AGBL1: variants seen among roughly 807,000 people sequenced by gnomAD.
AGBL1 encodes the protein cytosolic carboxypeptidase 4.
AGBL1 carries 130 observed loss-of-function variants against 118.9 expected under a neutral mutation model. The observed-to-expected ratio is 1.09, with a 90% CI of 0.95 to 1.26. The LOEUF is 1.26. AGBL1 is among the 50% of genes most tolerant of loss of function. AGBL1 has a pLI of 0.00. For missense variants in AGBL1, 1,584 were observed against 1,298.1 expected (o/e 1.22, Z -3.38); for synonymous variants, 555 against 478.9 (o/e 1.16, Z -2.08).
At chr15:86,138,282 G>A (rs2141632097) in intron 1 of AGBL1, 1 of 152,280 alleles carries the variant, frequency 6.6e-6, no homozygotes, top group East Asian at 1.9e-4. Flanking sequence ...CTTTCAACTT[G>A]GTTTCTCAAG....
intron 5 of AGBL1, among the ~76,000 whole-genome samples, chr15:86,204,019 A>T (rs561173007): frequency 4.6e-5 from 7 of 152,212 alleles, no homozygotes; most frequent in Non-Finnish European, 8.8e-5. Context: ...TGACACTCCT[A>T]GATAAAGAGT....
At chr15:86,217,240 T>A (rs1444563370) in intron 5 of AGBL1, among the ~76,000 whole-genome samples, 1 of 152,242 alleles carries the variant, frequency 6.6e-6, no homozygotes, top group African/African-American at 2.4e-5. Context: ...TGTAAGAGTC[T>A]TTGGTTTATC....
intron 23 of AGBL1, among the ~76,000 whole-genome samples, chr15:86,972,708 G>T (rs976786972): frequency 1.3e-5 from 2 of 151,962 alleles, no homozygotes; most frequent in African/African-American, 2.4e-5. Flanking sequence ...CCTTACAGGG[G>T]GAGAATGCAC....
intron 21 of AGBL1, among the ~76,000 whole-genome samples, chr15:86,649,874 G>T (rs971594117): frequency 1.5e-4 from 22 of 150,192 alleles, no homozygotes; most frequent in African/African-American, 5.1e-4. Flanking sequence ...TAATTGTATT[G>T]TCCTTTAAAA....
intron 19 of AGBL1, among the ~76,000 whole-genome samples, chr15:86,525,952 T>A (rs1341669825): frequency 6.6e-6 from 1 of 152,130 alleles, no homozygotes; most frequent in Non-Finnish European, 1.5e-5. Context: ...AGAAAATGTT[T>A]GCAAACTATA....
In AGBL1 at chr15:86,864,323, A is replaced by C. The variant is rs534393399; in HGVS notation, c.3159-42764A>C. Among the ~76,000 whole-genome samples the C allele has an allele frequency of 1.4e-4, 22 of 152,290 alleles. No individual in the cohort carries two copies. In the East Asian group the frequency reaches 4.2e-3, roughly 29 times the overall value. On this transcript the variant is annotated intron_variant, in intron 22 of 22. Coordinates refer to ENST00000614907, the MANE Select transcript of AGBL1 (RefSeq NM_001386094.1). ...CTAACTTGCATTGACTCATAGGAAA[A>C]TACCTTGAAGCCTTGAGTTTTCCCA...
chr15:86,468,854 G>C (rs886819504), intron 18 of AGBL1, among the ~76,000 whole-genome samples: 1 of 152,162 alleles, frequency 6.6e-6, no homozygotes, highest in Non-Finnish European at 1.5e-5. Flanking sequence ...GAAGCTGAAG[G>C]GGAATAGACA....
intron 5 of AGBL1, among the ~76,000 whole-genome samples, chr15:86,176,031 T>G (rs1022826670): frequency 1.1e-4 from 17 of 152,204 alleles, no homozygotes; most frequent in Admixed American, 3.9e-4. Flanking sequence ...ATCCAATGTT[T>G]TTTTGCTGAT....
chr15:86,365,087 A>G (rs186207212), intron 17 of AGBL1, among the ~76,000 whole-genome samples: 1 of 151,040 alleles, frequency 6.6e-6, no homozygotes, highest in African/African-American at 2.4e-5. Flanking sequence ...ACACATATAT[A>G]TAATTGATTT....
intron 5 of AGBL1, among the ~76,000 whole-genome samples, chr15:86,190,030 A>T (rs966522671): frequency 1.4e-4 from 22 of 152,336 alleles, no homozygotes; most frequent in Admixed American, 1.1e-3. Context: ...AAGAAGTATC[A>T]TTAGAGAAGT....
chr15:86,579,231 A>G (rs566877164), intron 21 of AGBL1, among the ~76,000 whole-genome samples: 10 of 152,334 alleles, frequency 6.6e-5, no homozygotes, highest in Non-Finnish European at 8.8e-5. Context: ...TTTGTGTCTA[A>G]AAAGATCTTA....
chr15:86,694,068 G>A (rs1405577370), intron 22 of AGBL1, among the ~76,000 whole-genome samples: 2 of 151,974 alleles, frequency 1.3e-5, no homozygotes, highest in African/African-American at 4.8e-5. Context: ...GTCTTGCTTT[G>A]GCTATGCAGG....
chr15:86,774,422 T>C (rs1025059265), intron 22 of AGBL1, among the ~76,000 whole-genome samples: 1 of 152,144 alleles, frequency 6.6e-6, no homozygotes, highest in African/African-American at 2.4e-5. Flanking sequence ...CATACTTTTG[T>C]TTTATTCAAT....
rs147726050 is a variant in AGBL1, at chr15:86,372,804, G to C, written c.2375-24562G>C. Among the ~76,000 whole-genome samples the C allele has an allele frequency of 8.9e-3, 1,351 of 152,296 alleles. 27 individuals carry two copies. Among genetic ancestry groups the C allele is most frequent in the African/African-American group, 0.031 (1,286 of 41,558 alleles). ...TCTCTGGAAAAATTAAGAAGACAAG[G>C]GGTAGGGCCTATAGGGCTCTGAGCA... On this transcript the variant is annotated intron_variant, in intron 17 of 22. Coordinates refer to ENST00000614907, the MANE Select transcript of AGBL1 (RefSeq NM_001386094.1).
At chr15:86,906,021 G>C (rs1176257454) in intron 22 of AGBL1, among the ~76,000 whole-genome samples, 1 of 152,232 alleles carries the variant, frequency 6.6e-6, no homozygotes. Context: ...TCAGTCAGCA[G>C]ACAATTAAGA....
At chr15:86,520,476 AT>A (rs558683278) in intron 18 of AGBL1, among the ~76,000 whole-genome samples, 2 of 151,958 alleles carry the variant, frequency 1.3e-5, no homozygotes, top group African/African-American at 4.8e-5. Flanking sequence ...ACAAAACTTT[AT>A]TTTTTTTATT....
intron 21 of AGBL1, among the ~76,000 whole-genome samples, chr15:86,666,026 T>C (rs2085638099): frequency 6.6e-6 from 1 of 152,058 alleles, no homozygotes; most frequent in South Asian, 2.1e-4. Flanking sequence ...TCATTAATAG[T>C]TTTTACTTTT....
At chr15:86,578,363 C>T (rs974275411) in intron 21 of AGBL1, among the ~76,000 whole-genome samples, 5 of 152,148 alleles carry the variant, frequency 3.3e-5, no homozygotes, top group African/African-American at 7.2e-5. Context: ...TGCCTGTATC[C>T]CCATTATATC....
rs75906767 is a variant in AGBL1 at position 86,650,008 on chromosome 15, T to C, written c.2995-24265T>C. Among the ~76,000 whole-genome samples the C allele has an allele frequency of 5.1e-3, 784 of 152,258 alleles. 3 individuals carry two copies. Among genetic ancestry groups the C allele is most frequent in the African/African-American group, 0.018 (753 of 41,548 alleles). Reference sequence around the variant, plus strand: ...CATTAAGTCATAGGACCAAAAAAAATTGGGATAAGCTTTAAAAGTATCATT... The same window carrying C: ...CATTAAGTCATAGGACCAAAAAAAACTGGGATAAGCTTTAAAAGTATCATT... On this transcript the variant is annotated intron_variant, in intron 21 of 22. Transcript: ENST00000614907.
Sources: gnomAD v4.1 joint callset for allele counts (sites outside exome capture counted in the v4.1 genomes callset) on GRCh38, gnomAD v4.1.1 for gene constraint, MANE v1.5 for transcripts, NCBI Gene and HGNC (gene_info 2026-07-23, HGNC 2026-07-21) for gene names.